Variants in STK32A observed in about 807,000 individuals in gnomAD.
The protein encoded by STK32A is serine/threonine-protein kinase 32A.
A neutral mutation model predicts 53.2 loss-of-function variants in STK32A; 41 were observed. That is an observed-to-expected ratio of 0.77 (90% CI 0.60 to 1.00). The LOEUF (loss-of-function observed/expected upper bound fraction) is 1.00, where lower values mean the gene tolerates loss of function less well. Among genes scored for constraint, STK32A ranks in the 50% least tolerant of loss-of-function variants. The pLI is 0.00. For synonymous variants in STK32A, 166 were observed against 162.8 expected, an observed-to-expected ratio of 1.02 and a Z score of -0.15; for missense variants, 458 against 485.8, an observed-to-expected ratio of 0.94 and a Z score of 0.54.
chr5:147,314,505 AACAAAAAAAAACAAAAAAAAAC>A (rs558804000), intron 4 of STK32A, among the ~76,000 whole-genome samples: 20,287 of 44,286 alleles, frequency 0.46, 2,756 homozygotes, highest in Middle Eastern at 0.61. Context: ...TATCAAAAAA[AACAAAAAAAAACAAAAAAAAAC>A]AAAAAAAAAA....
At chr5:147,307,111 C>A (rs920300611) in intron 4 of STK32A, among the ~76,000 whole-genome samples, 1 of 151,894 alleles carries the variant, frequency 6.6e-6, no homozygotes, top group African/African-American at 2.4e-5. Flanking sequence ...AAAAGAAATA[C>A]AAATTAATAT....
At chr5:147,352,709 G>T (rs562151904) in intron 7 of STK32A, among the ~76,000 whole-genome samples, 1 of 152,310 alleles carries the variant, frequency 6.6e-6, no homozygotes, top group East Asian at 1.9e-4. Context: ...TATCTGTGTA[G>T]TTACTGGACT....
intron 4 of STK32A, among the ~76,000 whole-genome samples, chr5:147,290,867 A>C (rs1405074158): frequency 6.6e-6 from 1 of 152,130 alleles, no homozygotes; most frequent in Non-Finnish European, 1.5e-5. Flanking sequence ...CAGAATGTAC[A>C]CTCCAATTAG....
chr5:147,397,636 G>A, the STK32A span: 3 of 1,601,338 alleles, frequency 1.9e-6, no homozygotes, highest in African/African-American at 2.7e-5. Flanking sequence ...CAAAGCTCCT[G>A]CACCACCTCA....
rs532861536 is a variant in STK32A at position 147,235,782 on chromosome 5, C to T, written c.-97+583C>T. Among the ~76,000 whole-genome samples, 8 of 152,232 alleles carry T rather than the reference C, an allele frequency of 5.3e-5. No individual in the cohort carries two copies. In the East Asian group the frequency reaches 5.8e-4, roughly 11 times the overall value. Reference sequence around the variant, plus strand: ...GGGACTGTAAAATGTTTATCACATCCGTGATTGTGGCTGTCTTTGGAAAGT... The same window carrying T: ...GGGACTGTAAAATGTTTATCACATCTGTGATTGTGGCTGTCTTTGGAAAGT... On this transcript the variant is annotated intron_variant, in intron 1 of 12. Coordinates refer to ENST00000397936, the MANE Select transcript of STK32A (RefSeq NM_001112724.2).
intron 5 of STK32A, among the ~76,000 whole-genome samples, chr5:147,328,115 T>G (rs1237064111): frequency 6.6e-6 from 1 of 152,186 alleles, no homozygotes; most frequent in Non-Finnish European, 1.5e-5. Context: ...GCAAGTCTCA[T>G]GAGAGCTCTG....
chr5:147,312,292 C>T (rs184993016), intron 4 of STK32A, among the ~76,000 whole-genome samples: 486 of 152,128 alleles, frequency 3.2e-3, no homozygotes, highest in Non-Finnish European at 5.2e-3. Flanking sequence ...GTAGTAGAGA[C>T]GGGGTTTTGC....
the STK32A span, chr5:147,399,039 T>A: frequency 6.3e-7 from 1 of 1,597,998 alleles, no homozygotes; most frequent in African/African-American, 1.3e-5. Context: ...GTTCCTTGCA[T>A]GCATTCTCCA....
intron 4 of STK32A, among the ~76,000 whole-genome samples, chr5:147,319,762 C>G (rs960804817): frequency 1.3e-5 from 2 of 152,150 alleles, no homozygotes; most frequent in African/African-American, 4.8e-5. Context: ...CTGTGAAAAG[C>G]CTGCTGTGAG....
chr5:147,367,356 G>A (rs184341627), intron 8 of STK32A, among the ~76,000 whole-genome samples: 15 of 152,040 alleles, frequency 9.9e-5, no homozygotes, highest in Admixed American at 2.6e-4. Context: ...GTGAGCCGCC[G>A]CACCTGGTCA....
chr5:147,255,331 A>C (rs964782786), intron 2 of STK32A, among the ~76,000 whole-genome samples: 11 of 152,262 alleles, frequency 7.2e-5, no homozygotes, highest in Admixed American at 4.6e-4. Context: ...TCTCTGGATA[A>C]GGTGGAGGTT....
chr5:147,287,416 A>T (rs1358395950), intron 4 of STK32A, among the ~76,000 whole-genome samples: 3 of 152,206 alleles, frequency 2.0e-5, no homozygotes, highest in Non-Finnish European at 4.4e-5. Flanking sequence ...GCTAATGGAA[A>T]AATAATTGAG....
intron 6 of STK32A, among the ~76,000 whole-genome samples, chr5:147,347,546 G>A (rs777278243): frequency 7.9e-5 from 12 of 152,088 alleles, no homozygotes; most frequent in Non-Finnish European, 1.3e-4. Context: ...GGTAGAGGCC[G>A]GGATGCTAGC....
intron 5 of STK32A, among the ~76,000 whole-genome samples, chr5:147,327,858 G>A (rs1046606628): frequency 2.6e-5 from 4 of 152,190 alleles, no homozygotes; most frequent in Admixed American, 6.5e-5. Context: ...AGGGGAGCAC[G>A]GGACACCTAT....
chr5:147,295,120 TAA>T (rs1752808095), intron 4 of STK32A, among the ~76,000 whole-genome samples: 1 of 152,356 alleles, frequency 6.6e-6, no homozygotes, highest in African/African-American at 2.4e-5. Context: ...ATAATTTTTA[TAA>T]AGTTGTTTCC....
intron 4 of STK32A, among the ~76,000 whole-genome samples, chr5:147,280,617 A>ACAG (rs1034848972): frequency 3.4e-5 from 5 of 147,476 alleles, no homozygotes; most frequent in Admixed American, 6.7e-5. Flanking sequence ...CCCATTCCCC[A>ACAG]CAGCAGCAGC....
intron 2 of STK32A, among the ~76,000 whole-genome samples, chr5:147,263,239 A>G (rs1030146637): frequency 6.6e-6 from 1 of 152,198 alleles, no homozygotes; most frequent in Non-Finnish European, 1.5e-5. Flanking sequence ...TGACCAATCC[A>G]AGAAGGAAGA....
chr5:147,257,259 G>T (rs181211677), intron 2 of STK32A, among the ~76,000 whole-genome samples: 1 of 151,864 alleles, frequency 6.6e-6, no homozygotes, highest in Non-Finnish European at 1.5e-5. Flanking sequence ...GGCGGGGCGG[G>T]GGGTAGGACT....
chr5:147,384,211 A>C lies in STK32A; in HGVS notation c.*228A>C. On this transcript the variant is annotated 3_prime_UTR_variant, in exon 13 of 13. Transcript: ENST00000397936. The stretch of plus-strand genomic sequence containing the variant: ...GTGATCTAGAGCAAGTCACTTAGCC[A>C]CTTTCTGTGCTTTACTTTATTTATC... The C allele has an allele frequency of 7.2e-7, 1 of 1,388,944 alleles. No homozygotes were observed. The highest frequency in any genetic ancestry group is 9.3e-7 in the Non-Finnish European group (1 of 1,073,056). The allele number at this position is 1,388,944 out of a possible 1,614,324, so 86.0% of individuals were successfully genotyped here.
Sources: gnomAD v4.1 joint callset for allele counts (sites outside exome capture counted in the v4.1 genomes callset) on GRCh38, gnomAD v4.1.1 for gene constraint, MANE v1.5 for transcripts, NCBI Gene and HGNC (gene_info 2026-07-23, HGNC 2026-07-21) for gene names.